The following BLM variants were observed in gnomAD, a reference collection of about 807,000 sequenced individuals.
BLM encodes recQ-like DNA helicase BLM.
Under a neutral mutation model 135.3 loss-of-function variants are expected in BLM, and 95 were observed. That is an observed-to-expected ratio of 0.70 (90% CI 0.59 to 0.83). The LOEUF is 0.83. BLM is among the 40% of genes least tolerant of loss of function. The probability of loss-of-function intolerance (pLI) is 0.00; values close to 1 mark genes in which losing one functional copy is unlikely to be tolerated. For synonymous variants in BLM, 520 were observed against 589.2 expected, an observed-to-expected ratio of 0.88 and a Z score of 1.70; for missense variants, 1,518 against 1,663.9, an observed-to-expected ratio of 0.91 and a Z score of 1.53.
rs116865990 is a variant in BLM, at chr15:90,744,180, C to T, written c.-4-3209C>T. ...TAGACCACTTTGTTCTGCTTAGTGT[C>T]ATTAAGACTGAAGATCTGTGTACCT... is the stretch of plus-strand genomic sequence containing the variant. On this transcript the variant is annotated intron_variant, in intron 1 of 21. Coordinates refer to ENST00000355112, the MANE Select transcript of BLM (RefSeq NM_000057.4). 1.8e-4 allele frequency among the ~76,000 whole-genome samples: 28 copies of T among 152,222 alleles called. No individual in the cohort carries two copies. In the East Asian group the frequency reaches 5.0e-3, roughly 27 times the overall value.
Position 90,792,830 on chromosome 15 carries a change from C to G in BLM, c.3020-1337C>G, listed in dbSNP as rs1044419404. Among the ~76,000 whole-genome samples, 64 of 152,148 alleles carry G rather than the reference C, an allele frequency of 4.2e-4. 1 individual carries two copies. Among genetic ancestry groups the G allele is most frequent in the Admixed American group, 1.3e-3 (20 of 15,270 alleles). ...GTAGAGCCCTGACAGAACCCAAGTT[C>G]GTCTGATTCCAAAGTCCATGTTCCT... On this transcript the variant is annotated intron_variant, in intron 15 of 21. Transcript: ENST00000355112.
At chr15:90,789,042 GATATATATAT>G (rs10598894) in intron 14 of BLM, among the ~76,000 whole-genome samples, 2 of 146,254 alleles carry the variant, frequency 1.4e-5, no homozygotes, top group Non-Finnish European at 3.0e-5. Context: ...CTACAATGGA[GATATATATAT>G]ATATATATAT....
chr15:90,772,776 C>T (rs1013752282), intron 12 of BLM, among the ~76,000 whole-genome samples: 2 of 152,274 alleles, frequency 1.3e-5, no homozygotes, highest in Middle Eastern at 3.4e-3. Context: ...TTTGTAAAGG[C>T]ACTGGGCATT....
intron 2 of BLM, 54 bp from the exon 3 acceptor site, chr15:90,749,313 T>TG: frequency 2.2e-6 from 3 of 1,357,262 alleles, no homozygotes; most frequent in South Asian, 1.2e-5. Context: ...TTTGTAGAGT[T>TG]GGGGGGTTTC....
At chr15:90,811,053 G>C in intron 20 of BLM, 152 bp from the exon 21 acceptor site, 1 of 754,752 alleles carries the variant, frequency 1.3e-6, no homozygotes, top group Non-Finnish European at 2.3e-6. Flanking sequence ...GTAAAAAAAG[G>C]TTTGGTTCTT....
intron 12 of BLM, among the ~76,000 whole-genome samples, chr15:90,771,392 C>T (rs1486103114): frequency 6.6e-6 from 1 of 152,018 alleles, no homozygotes; most frequent in African/African-American, 2.4e-5. Context: ...GAGGCTGAGG[C>T]AGGAGAATTG....
rs772877648 is a variant in BLM, at chr15:90,760,886, T to C, written c.1513T>C (p.Trp505Arg). 6.2e-7 allele frequency: 1 copy of C among 1,614,040 alleles called. No individual in the cohort carries two copies. The highest frequency in any genetic ancestry group is 8.5e-7 in the Non-Finnish European group (1 of 1,180,032). Residue 505 changes from tryptophan (W) to arginine (R), a missense_variant, in exon 7 of 22, where the codon TGG (tryptophan) becomes CGG (arginine). By Grantham distance (101) the Trp-to-Arg change is moderately radical. Transcript: ENST00000355112. Reference sequence around the variant, plus strand: ...ACAGAAGTCCTTTGTAAGTAGCAACTGGGCTGAAACACCAAGACTAGGAAA... The same window carrying C: ...ACAGAAGTCCTTTGTAAGTAGCAACCGGGCTGAAACACCAAGACTAGGAAA... ...HLQKSFVSSN[W>R]AETPRLGKKN...
intron 4 of BLM, among the ~76,000 whole-genome samples, chr15:90,752,516 A>G (rs1895715598): frequency 6.6e-6 from 1 of 152,184 alleles, no homozygotes; most frequent in African/African-American, 2.4e-5. Flanking sequence ...TATTTCTAAA[A>G]ATATTATATT....
intron 12 of BLM, among the ~76,000 whole-genome samples, chr15:90,770,916 T>C (rs1348904285): frequency 6.6e-6 from 1 of 152,238 alleles, no homozygotes; most frequent in Non-Finnish European, 1.5e-5. Flanking sequence ...AATTATCTGA[T>C]CTAAATCAAG....
intron 1 of BLM, among the ~76,000 whole-genome samples, chr15:90,733,818 A>G (rs1855755450): frequency 6.6e-6 from 1 of 152,156 alleles, no homozygotes; most frequent in Non-Finnish European, 1.5e-5. Context: ...CCGGTCAACC[A>G]CTTATCTGGT....
At chr15:90,732,505 A>T (rs1376733214) in intron 1 of BLM, among the ~76,000 whole-genome samples, 2 of 151,988 alleles carry the variant, frequency 1.3e-5, no homozygotes, top group African/African-American at 4.8e-5. Flanking sequence ...AAAATTGAAA[A>T]CAACTATTGG....
chr15:90,754,611 T>C (rs1895766876), intron 4 of BLM, among the ~76,000 whole-genome samples, 200 bp from the exon 5 acceptor site: 1 of 152,146 alleles, frequency 6.6e-6, no homozygotes. Context: ...TAATCGGAGA[T>C]AATGTTGAAA....
At chr15:90,760,325 AC>A (rs751496035) in intron 6 of BLM, 46 bp downstream of exon 6, 4 of 1,610,562 alleles carry the variant, frequency 2.5e-6, no homozygotes, top group Middle Eastern at 1.9e-4. Context: ...TTATATTTCT[AC>A]CACTCTAAGT....
intron 12 of BLM, 128 bp from the exon 13 acceptor site, chr15:90,782,694 G>T: frequency 1.4e-6 from 1 of 699,458 alleles, no homozygotes; most frequent in Middle Eastern, 4.0e-4. Flanking sequence ...ATTATCTCCC[G>T]GAGGCTCCAA....
At chr15:90,730,186 T>C (rs1157886677) in intron 1 of BLM, among the ~76,000 whole-genome samples, 3 of 152,146 alleles carry the variant, frequency 2.0e-5, no homozygotes, top group Admixed American at 6.5e-5. Context: ...GAAGATTCTT[T>C]TAGATGTTCC....
Position 90,749,903 on chromosome 15 carries a change from C to T in BLM, c.635C>T (p.Ser212Phe), listed in dbSNP as rs777938065. The T allele has an allele frequency of 1.4e-5, 23 of 1,612,826 alleles. No individual in the cohort carries two copies. The highest frequency in any genetic ancestry group is 1.7e-5 in the Admixed American group (1 of 59,980). The change falls in exon 3 of 22, where the codon TCC (serine) becomes TTC (phenylalanine). Residue 212 changes from serine (S) to phenylalanine (F), a missense_variant. This residue lies in a region of BLM where 724 missense variants were observed against 756.9 expected (regional missense o/e 0.96). Transcript: ENST00000355112. ...NTVKTDLPPP[S>F]SESEQIDLTE... is the part of the protein sequence containing the mutation. ...GTAAAGACTGATTTGCCTCCACCCT[C>T]CTCTGAAAGCGAGCAAATAGATTTG... is the stretch of plus-strand genomic sequence containing the variant.
At chr15:90,785,129 A>G in intron 14 of BLM, 48 bp downstream of exon 14, 1 of 1,558,436 alleles carries the variant, frequency 6.4e-7, no homozygotes. Context: ...CTTTTATAGC[A>G]TATAACCAAA....
intron 14 of BLM, among the ~76,000 whole-genome samples, chr15:90,785,855 T>G (rs1317528682): frequency 6.6e-6 from 1 of 152,152 alleles, no homozygotes; most frequent in African/African-American, 2.4e-5. Flanking sequence ...TTTAGCATAA[T>G]TTTTTCAAGA....
intron 1 of BLM, among the ~76,000 whole-genome samples, chr15:90,747,122 T>G (rs1596215247): frequency 6.6e-6 from 1 of 151,646 alleles, no homozygotes; most frequent in Non-Finnish European, 1.5e-5. Context: ...ATTTTAGCAT[T>G]GTGGAGGAAG....
Sources: allele counts gnomAD v4.1 joint callset (sites outside exome capture counted in the v4.1 genomes callset), GRCh38; gene constraint gnomAD v4.1.1; regional missense constraint gnomAD v4.1.1; transcripts MANE v1.5; gene names NCBI Gene and HGNC (gene_info 2026-07-23, HGNC 2026-07-21).